Variants in CSMD1 observed in about 807,000 individuals in gnomAD.
The protein encoded by CSMD1 is CUB and sushi domain-containing protein 1.
Under a neutral mutation model 417.5 loss-of-function variants are expected in CSMD1, and 213 were observed. The observed-to-expected ratio is 0.51, with a 90% CI of 0.46 to 0.57. The LOEUF (loss-of-function observed/expected upper bound fraction) is 0.57. Among genes scored for constraint, CSMD1 ranks in the 20% least tolerant of loss-of-function variants. The pLI is 0.00. For missense variants in CSMD1, 6,923 were observed against 4,529.7 expected, an observed-to-expected ratio of 1.53 and a Z score of -15.17; for synonymous variants, 2,862 against 1,736.8, an observed-to-expected ratio of 1.65 and a Z score of -16.11.
intron 7 of CSMD1, among the ~76,000 whole-genome samples, chr8:3,686,981 A>G (rs1799974685): frequency 6.6e-6 from 1 of 152,226 alleles, no homozygotes; most frequent in Non-Finnish European, 1.5e-5. Context: ...AGCTTGTTCA[A>G]ACGTATCAGG....
chr8:4,301,165 G>T (rs1208339819), intron 3 of CSMD1, among the ~76,000 whole-genome samples: 1 of 152,182 alleles, frequency 6.6e-6, no homozygotes, highest in Non-Finnish European at 1.5e-5. Flanking sequence ...TGATGGAAAA[G>T]AACGCTCTGG....
At chr8:4,418,775 C>G (rs1403583324) in intron 3 of CSMD1, among the ~76,000 whole-genome samples, 3 of 59,642 alleles carry the variant, frequency 5.0e-5, no homozygotes, top group Non-Finnish European at 8.8e-5. Flanking sequence ...TGCTGCTTTC[C>G]AAAGATTAAC....
Position 4,855,978 on chromosome 8 carries a change from T to G in CSMD1, c.85+138354A>C, listed in dbSNP as rs954131231. ...ACATAATTGTCAGATTCACCAAAGTTGAAATGAAGGAAAAAATGTTAAGGG... is the reference window on the plus strand; with the variant it reads ...ACATAATTGTCAGATTCACCAAAGTGGAAATGAAGGAAAAAATGTTAAGGG... On this transcript the variant is annotated intron_variant, in intron 1 of 69. Coordinates refer to ENST00000635120, the MANE Select transcript of CSMD1 (RefSeq NM_033225.6). Among the ~76,000 whole-genome samples, 8 of 151,028 alleles carry G rather than the reference T, an allele frequency of 5.3e-5. No individual in the cohort carries two copies. The East Asian group carries it at 1.2e-3, about 22-fold the overall frequency.
chr8:4,764,882 A>AAAACAAAAAAAAAAACAAAAAAAAAC (rs1563326772), intron 1 of CSMD1, among the ~76,000 whole-genome samples: 2 of 47,556 alleles, frequency 4.2e-5, no homozygotes, highest in African/African-American at 1.5e-4. Context: ...CAAAAAAAAA[A>AAAACAAAAAAAAAAACAAAAAAAAAC]AAAAAAAAAA....
At chr8:4,672,434 G>C (rs1446184617) in intron 1 of CSMD1, among the ~76,000 whole-genome samples, 2 of 152,100 alleles carry the variant, frequency 1.3e-5, no homozygotes, top group Admixed American at 6.5e-5. Flanking sequence ...TGTAGTGTAT[G>C]TAAAATAACC....
intron 1 of CSMD1, among the ~76,000 whole-genome samples, chr8:4,901,006 T>A (rs1431772657): frequency 6.6e-6 from 1 of 152,230 alleles, no homozygotes; most frequent in Non-Finnish European, 1.5e-5. Flanking sequence ...CCATACTATT[T>A]GAAAGTAAAG....
In CSMD1 at chr8:4,455,989, CAATA is replaced by C. The variant is rs1464561862; in HGVS notation, c.303-35928_303-35925del. ...TGCAGTTAAGATATTAGAAGACAAA[CAATA>C]AATTGCTTATCTTCTCCTTAACACA... On this transcript the variant is annotated intron_variant, in intron 2 of 69. Coordinates refer to ENST00000635120, the MANE Select transcript of CSMD1 (RefSeq NM_033225.6). Among the ~76,000 whole-genome samples, 3 of 36,706 alleles carry C rather than the reference CAATA, an allele frequency of 8.2e-5. No homozygotes were observed. The East Asian group carries it at 2.9e-3, about 36-fold the overall frequency. The allele number at this position is 36,706 out of a possible 152,430, so 24.1% of individuals were successfully genotyped here. A position where few individuals can be genotyped will look rare whatever the true frequency, so the allele number is the denominator to read the frequency against.
At chr8:3,193,899 C>T (rs1796561509) in intron 33 of CSMD1, among the ~76,000 whole-genome samples, 1 of 152,176 alleles carries the variant, frequency 6.6e-6, no homozygotes, top group South Asian at 2.1e-4. Flanking sequence ...CATGCTGCTC[C>T]TTTACTGCAC....
At chr8:3,258,753 A>T (rs1585829123) in intron 26 of CSMD1, among the ~76,000 whole-genome samples, 1 of 152,250 alleles carries the variant, frequency 6.6e-6, no homozygotes. Flanking sequence ...ATGGAATACT[A>T]TGCAGCTTTA....
intron 3 of CSMD1, among the ~76,000 whole-genome samples, chr8:4,203,613 A>G (rs1314049526): frequency 6.6e-6 from 1 of 152,168 alleles, no homozygotes; most frequent in African/African-American, 2.4e-5. Flanking sequence ...TGTGGCACTC[A>G]AAATATGTAT....
chr8:4,805,183 T>G (rs895705133), intron 1 of CSMD1, among the ~76,000 whole-genome samples: 2 of 152,222 alleles, frequency 1.3e-5, no homozygotes, highest in African/African-American at 4.8e-5. Flanking sequence ...CTCGTTTGTA[T>G]AGAGAGATAA....
chr8:4,193,147 G>A (rs887481137), intron 3 of CSMD1, among the ~76,000 whole-genome samples: 1 of 151,948 alleles, frequency 6.6e-6, no homozygotes, highest in South Asian at 2.1e-4. Context: ...ATCTGTAAAA[G>A]ATAAGTTGCC....
intron 6 of CSMD1, among the ~76,000 whole-genome samples, chr8:3,717,438 T>C (rs536197119): frequency 6.6e-6 from 1 of 152,262 alleles, no homozygotes; most frequent in South Asian, 2.1e-4. Context: ...TTTTTTATCA[T>C]TTATTGTAAC....
intron 1 of CSMD1, among the ~76,000 whole-genome samples, chr8:4,891,127 T>G (rs1235828280): frequency 1.3e-5 from 2 of 152,184 alleles, no homozygotes; most frequent in African/African-American, 4.8e-5. Context: ...GAGCAGAGGC[T>G]GATGCCACGG....
In CSMD1 at chr8:4,174,668, T is replaced by G. The variant is rs561633869; in HGVS notation, c.416-142569A>C. On this transcript the variant is annotated intron_variant, in intron 3 of 69. Coordinates refer to ENST00000635120, the MANE Select transcript of CSMD1 (RefSeq NM_033225.6). ...GTAGGAATTATAGGAAACAGACCCATGCTAACATGCTCAAAGAAAAAAGGT... is the reference window on the plus strand; with the variant it reads ...GTAGGAATTATAGGAAACAGACCCAGGCTAACATGCTCAAAGAAAAAAGGT... 3.9e-5 allele frequency among the ~76,000 whole-genome samples: 5 copies of G among 126,612 alleles called. No individual in the cohort carries two copies. The South Asian group carries it at 1.1e-3, about 28-fold the overall frequency. 83.1% of individuals were successfully genotyped at this position (126,612 alleles called of 152,430 possible). A position where few individuals can be genotyped will look rare whatever the true frequency, so the allele number is the denominator to read the frequency against.
chr8:4,934,399 T>G (rs565375997), intron 1 of CSMD1, among the ~76,000 whole-genome samples: 1 of 152,200 alleles, frequency 6.6e-6, no homozygotes, highest in Non-Finnish European at 1.5e-5. Flanking sequence ...TCAAGAATAA[T>G]AATTCAGGAA....
At chr8:4,788,231 T>C (rs1337434783) in intron 1 of CSMD1, 17 of 1,589,812 alleles carry the variant, frequency 1.1e-5, no homozygotes, top group Admixed American at 5.1e-5. Context: ...AAGGACCAGA[T>C]GAAACTCTGA....
chr8:4,403,038 G>A (rs180817848), intron 3 of CSMD1, among the ~76,000 whole-genome samples: 24 of 151,556 alleles, frequency 1.6e-4, no homozygotes, highest in Admixed American at 1.2e-3. Context: ...TCACCACGTT[G>A]GCCAGGATGG....
At chr8:4,651,344 C>T (rs761396099) in intron 1 of CSMD1, among the ~76,000 whole-genome samples, 4 of 152,004 alleles carry the variant, frequency 2.6e-5, no homozygotes, top group Non-Finnish European at 4.4e-5. Flanking sequence ...CCTTTAATAG[C>T]GTTGAATATT....
Sources: gnomAD v4.1 joint callset for allele counts (sites outside exome capture counted in the v4.1 genomes callset) on GRCh38, gnomAD v4.1.1 for gene constraint, MANE v1.5 for transcripts, NCBI Gene and HGNC (gene_info 2026-07-23, HGNC 2026-07-21) for gene names.